SORCS3: variants seen among roughly 807,000 people sequenced by gnomAD.
SORCS3 encodes sortilin related VPS10 domain containing receptor 3, also known as VPS10 domain-containing receptor SorCS3.
A neutral mutation model predicts 146.3 loss-of-function variants in SORCS3; 57 were observed. That is an observed-to-expected ratio of 0.39 (90% CI 0.31 to 0.49). The LOEUF is 0.49. SORCS3 is among the 20% of genes least tolerant of loss of function. SORCS3 has a pLI of 0.92. For missense variants in SORCS3, 1,341 were observed against 1,575.5 expected (o/e 0.85, Z 2.52); for synonymous variants, 653 against 618.5 (o/e 1.06, Z -0.83).
intron 3 of SORCS3, among the ~76,000 whole-genome samples, chr10:104,943,547 A>G (rs952374539): frequency 6.6e-6 from 1 of 152,246 alleles, no homozygotes; most frequent in Non-Finnish European, 1.5e-5. Flanking sequence ...AGAAGACTAA[A>G]AAAATTCTTG....
rs2017441733 is a variant in SORCS3, at chr10:104,786,728, T to C, written c.628-56064T>C. Among the ~76,000 whole-genome samples the C allele has an allele frequency of 1.3e-5, 2 of 152,144 alleles. 1 individual carries two copies. The highest frequency in any genetic ancestry group is 4.1e-4 in the South Asian group (2 of 4,824). ...CCATTCGAGACCAGGTCCTTGCCTC[T>C]GTGGGTACTGGCTCCCTTGGTCTGT... On this transcript the variant is annotated intron_variant, in intron 1 of 26. Coordinates refer to ENST00000369701, the MANE Select transcript of SORCS3 (RefSeq NM_014978.3).
intron 6 of SORCS3, among the ~76,000 whole-genome samples, chr10:105,103,598 A>G (rs769961065): frequency 2.6e-5 from 4 of 152,166 alleles, no homozygotes; most frequent in Non-Finnish European, 5.9e-5. Context: ...GAAACTCTGG[A>G]AACACTTCAG....
intron 5 of SORCS3, among the ~76,000 whole-genome samples, chr10:105,075,163 T>C (rs892001021): frequency 1.3e-5 from 2 of 152,150 alleles, no homozygotes; most frequent in African/African-American, 2.4e-5. Flanking sequence ...TCTAATTACA[T>C]GTGGCATGGT....
chr10:104,955,676 T>C (rs2019481878), intron 3 of SORCS3, among the ~76,000 whole-genome samples: 1 of 152,172 alleles, frequency 6.6e-6, no homozygotes, highest in South Asian at 2.1e-4. Flanking sequence ...AGAGTGGAGA[T>C]GAGTATTGCT....
At chr10:104,859,811 T>C (rs1013850898) in intron 2 of SORCS3, among the ~76,000 whole-genome samples, 1 of 151,288 alleles carries the variant, frequency 6.6e-6, no homozygotes, top group Non-Finnish European at 1.5e-5. Flanking sequence ...AAAAGACACA[T>C]GAAAAAATGC....
rs114952016 is a variant in SORCS3, at chr10:105,012,789, C to G, written c.955-30266C>G. Among the ~76,000 whole-genome samples the G allele has an allele frequency of 4.3e-3, 659 of 152,240 alleles. 7 individuals carry two copies. Among genetic ancestry groups the G allele is most frequent in the African/African-American group, 0.015 (614 of 41,560 alleles). On this transcript the variant is annotated intron_variant, in intron 4 of 26. Transcript: ENST00000369701. The stretch of plus-strand genomic sequence containing the variant: ...AAAATATTGTACGTTGAAGCATTCT[C>G]GTGAGTTGTTAACTTCAAAGCATCC...
intron 5 of SORCS3, among the ~76,000 whole-genome samples, chr10:105,062,182 A>T (rs116382380): frequency 2.0e-5 from 3 of 152,324 alleles, no homozygotes; most frequent in African/African-American, 7.2e-5. Flanking sequence ...GGCTTATGTG[A>T]TGTCAAGCAA....
At chr10:105,156,259 G>C (rs1486400130) in intron 9 of SORCS3, among the ~76,000 whole-genome samples, 1 of 152,122 alleles carries the variant, frequency 6.6e-6, no homozygotes, top group Non-Finnish European at 1.5e-5. Context: ...AACTTCTATG[G>C]AAAAAGAGTT....
At chr10:104,985,564 C>T (rs987498356) in intron 4 of SORCS3, among the ~76,000 whole-genome samples, 4 of 152,148 alleles carry the variant, frequency 2.6e-5, no homozygotes, top group African/African-American at 9.7e-5. Flanking sequence ...GAATGCTTTC[C>T]AGGAGGTTTT....
At chr10:104,779,010 T>G (rs2491364) in intron 1 of SORCS3, among the ~76,000 whole-genome samples, 121,111 of 152,138 alleles carry the variant, frequency 0.8, 48,509 homozygotes, top group East Asian at 0.94. Flanking sequence ...AATCACAGGG[T>G]TCTTCATAAG....
At chr10:104,863,025 C>A (rs1446696213) in intron 2 of SORCS3, among the ~76,000 whole-genome samples, 1 of 152,158 alleles carries the variant, frequency 6.6e-6, no homozygotes, top group Non-Finnish European at 1.5e-5. Context: ...TCAATTATCT[C>A]ATCAAATCCT....
intron 4 of SORCS3, among the ~76,000 whole-genome samples, chr10:105,038,752 A>C (rs180765397): frequency 1.4e-4 from 21 of 152,278 alleles, no homozygotes; most frequent in African/African-American, 4.3e-4. Flanking sequence ...GATATCAATA[A>C]ATGCATGTTT....
chr10:104,790,437 G>A lies in SORCS3; in HGVS notation c.628-52355G>A, dbSNP rs549538909. On this transcript the variant is annotated intron_variant, in intron 1 of 26. Coordinates refer to ENST00000369701, the MANE Select transcript of SORCS3 (RefSeq NM_014978.3). Reference sequence around the variant, plus strand: ...CAGAAAACCTTCTGGTCCTGAGTTGGAGCTCCCAGGTGGATTGATTACCAT... The same window carrying A: ...CAGAAAACCTTCTGGTCCTGAGTTGAAGCTCCCAGGTGGATTGATTACCAT... 7.4e-4 allele frequency among the ~76,000 whole-genome samples: 112 copies of A among 152,250 alleles called. 1 individual carries two copies. Among genetic ancestry groups the A allele is most frequent in the African/African-American group, 2.6e-3 (110 of 41,544 alleles).
intron 1 of SORCS3, among the ~76,000 whole-genome samples, chr10:104,675,902 C>T (rs2015907629): frequency 6.6e-6 from 1 of 152,048 alleles, no homozygotes; most frequent in Admixed American, 6.6e-5. Context: ...CAAAAAAATC[C>T]TGCTAGGATT....
At chr10:104,666,672 C>T (rs2015782137) in intron 1 of SORCS3, among the ~76,000 whole-genome samples, 2 of 152,130 alleles carry the variant, frequency 1.3e-5, no homozygotes, top group African/African-American at 4.8e-5. Context: ...GTGATGTGAT[C>T]ATAGCTCACT....
intron 6 of SORCS3, among the ~76,000 whole-genome samples, chr10:105,095,910 A>C (rs2055742563): frequency 6.6e-6 from 1 of 152,162 alleles, no homozygotes; most frequent in Non-Finnish European, 1.5e-5. Context: ...CTCATGAAAC[A>C]TCAATTAAAT....
At chr10:105,127,033 C>A (rs2055980385) in intron 7 of SORCS3, among the ~76,000 whole-genome samples, 1 of 152,098 alleles carries the variant, frequency 6.6e-6, no homozygotes, top group Admixed American at 6.6e-5. Context: ...AGGTACTGAA[C>A]CAGTACTCGC....
At chr10:104,654,863 A>T (rs1428884052) in intron 1 of SORCS3, among the ~76,000 whole-genome samples, 2 of 152,178 alleles carry the variant, frequency 1.3e-5, no homozygotes, top group Non-Finnish European at 2.9e-5. Flanking sequence ...ATTTACACAA[A>T]ATCGGTAGTA....
At chr10:105,173,949 G>A (rs541692411) in intron 13 of SORCS3, among the ~76,000 whole-genome samples, 2 of 152,278 alleles carry the variant, frequency 1.3e-5, no homozygotes, top group East Asian at 3.9e-4. Context: ...TAGCTGTTTG[G>A]TGACTATCAA....
Sources: gnomAD v4.1 joint callset for allele counts (sites outside exome capture counted in the v4.1 genomes callset) on GRCh38, gnomAD v4.1.1 for gene constraint, MANE v1.5 for transcripts, NCBI Gene and HGNC (gene_info 2026-07-23, HGNC 2026-07-21) for gene names.